Variants in DAP observed in about 807,000 individuals in gnomAD.
DAP encodes death-associated protein 1.
Under a neutral mutation model 13.8 loss-of-function variants are expected in DAP, and 8 were observed. The ratio of observed to expected loss-of-function variants is 0.58; its 90% confidence interval spans 0.34 to 1.05. The LOEUF is 1.05. DAP is among the 50% of genes least tolerant of loss of function. The probability of loss-of-function intolerance (pLI) is 0.03; values close to 1 mark genes in which losing one functional copy is unlikely to be tolerated. For missense variants in DAP, 106 were observed against 133.2 expected, an observed-to-expected ratio of 0.80 and a Z score of 1.01; for synonymous variants, 47 against 47.5, an observed-to-expected ratio of 0.99 and a Z score of 0.04.
At chr5:10,751,417 C>T (rs1740042978) in intron 1 of DAP, among the ~76,000 whole-genome samples, 1 of 152,174 alleles carries the variant, frequency 6.6e-6, no homozygotes, top group East Asian at 1.9e-4. Flanking sequence ...ATTTTCCACT[C>T]TCTTGAAACA....
chr5:10,746,445 T>G (rs1383283910), intron 2 of DAP, among the ~76,000 whole-genome samples: 1 of 151,558 alleles, frequency 6.6e-6, no homozygotes, highest in Non-Finnish European at 1.5e-5. Flanking sequence ...TTCTCCTGCC[T>G]CAGCCTCCTG....
intron 2 of DAP, among the ~76,000 whole-genome samples, chr5:10,747,427 A>G (rs1274077796): frequency 6.6e-6 from 1 of 152,186 alleles, no homozygotes; most frequent in South Asian, 2.1e-4. Flanking sequence ...GGTATCATAT[A>G]AGGACACCCA....
At chr5:10,701,688 C>T (rs548617788) in intron 2 of DAP, among the ~76,000 whole-genome samples, 22 of 152,176 alleles carry the variant, frequency 1.4e-4, no homozygotes, top group Non-Finnish European at 2.9e-4. Context: ...TCATTCAGGG[C>T]AGCAAATTAG....
In DAP at chr5:10,695,749, G is replaced by C. The variant is rs1738423671; in HGVS notation, c.153-12178C>G. Among the ~76,000 whole-genome samples the C allele has an allele frequency of 2.0e-5, 3 of 152,168 alleles. No individual in the cohort carries two copies. The East Asian group carries it at 5.8e-4, about 29-fold the overall frequency. On this transcript the variant is annotated intron_variant, in intron 2 of 3. Transcript: ENST00000230895. ...GTTCTTCTGGGTCTGGGCCAGGTCT[G>C]GGTCTGTGTGGGAAGGATGCTCTCA...
chr5:10,745,041 T>C (rs1462789277), intron 2 of DAP, among the ~76,000 whole-genome samples: 3 of 152,022 alleles, frequency 2.0e-5, no homozygotes, highest in African/African-American at 7.3e-5. Context: ...TCAAATGAAT[T>C]AATATGAACA....
At chr5:10,695,626 A>C (rs1162160786) in intron 2 of DAP, among the ~76,000 whole-genome samples, 4 of 152,194 alleles carry the variant, frequency 2.6e-5, no homozygotes, top group African/African-American at 7.2e-5. Context: ...TCAGCCTTCA[A>C]ATCCTTCAGT....
intron 2 of DAP, among the ~76,000 whole-genome samples, chr5:10,724,524 G>A (rs1460537345): frequency 2.0e-5 from 3 of 152,184 alleles, no homozygotes; most frequent in Non-Finnish European, 2.9e-5. Flanking sequence ...GGAGCAATAG[G>A]CCAGCACCCC....
chr5:10,739,985 GAAAC>G (rs1261922681), intron 2 of DAP, among the ~76,000 whole-genome samples: 3 of 152,150 alleles, frequency 2.0e-5, no homozygotes, highest in South Asian at 4.1e-4. Context: ...CCACTGTAAA[GAAAC>G]AAACAGTTAA....
intron 1 of DAP, among the ~76,000 whole-genome samples, chr5:10,757,552 G>C (rs11750414): frequency 0.1 from 15,154 of 152,208 alleles, 954 homozygotes; most frequent in East Asian, 0.3. Flanking sequence ...GGGATTATAG[G>C]CGTGAGCCAC....
intron 2 of DAP, among the ~76,000 whole-genome samples, chr5:10,690,395 C>G (rs1205187834): frequency 6.6e-6 from 1 of 151,686 alleles, no homozygotes; most frequent in Non-Finnish European, 1.5e-5. Context: ...TATTATTATG[C>G]TATCATCACC....
At chr5:10,703,263 A>G (rs1738624161) in intron 2 of DAP, among the ~76,000 whole-genome samples, 1 of 152,194 alleles carries the variant, frequency 6.6e-6, no homozygotes, top group Non-Finnish European at 1.5e-5. Context: ...AACAATATGA[A>G]TGATGCTTAG....
At chr5:10,731,084 G>T in intron 2 of DAP, among the ~76,000 whole-genome samples, 1 of 34,604 alleles carries the variant, frequency 2.9e-5, no homozygotes, top group Non-Finnish European at 5.5e-5. Context: ...GAATCTTTCT[G>T]GACTGAGAGC....
At chr5:10,745,204 G>A (rs1365477312) in intron 2 of DAP, among the ~76,000 whole-genome samples, 1 of 152,170 alleles carries the variant, frequency 6.6e-6, no homozygotes, top group African/African-American at 2.4e-5. Flanking sequence ...CAGGCCTCGT[G>A]GAGTGTGTTA....
intron 2 of DAP, among the ~76,000 whole-genome samples, chr5:10,706,048 T>C (rs1275258755): frequency 6.6e-6 from 1 of 152,204 alleles, no homozygotes; most frequent in African/African-American, 2.4e-5. Context: ...ACATCGGCAT[T>C]TGCATCCAAC....
intron 1 of DAP, among the ~76,000 whole-genome samples, chr5:10,760,480 G>GA (rs139357578): frequency 1.9e-4 from 29 of 150,082 alleles, no homozygotes; most frequent in African/African-American, 2.7e-4. Context: ...AACTTTGGGG[G>GA]AAAAAAAAAA....
intron 2 of DAP, among the ~76,000 whole-genome samples, chr5:10,713,843 G>C (rs185511134): frequency 6.6e-6 from 1 of 152,380 alleles, no homozygotes; most frequent in African/African-American, 2.4e-5. Flanking sequence ...GTAAACAGAA[G>C]AAAGCAGAGG....
chr5:10,715,185 G>C (rs1738953157), intron 2 of DAP, among the ~76,000 whole-genome samples: 1 of 152,192 alleles, frequency 6.6e-6, no homozygotes, highest in African/African-American at 2.4e-5. Context: ...AGGAGAGGAG[G>C]AGGCCCCAAA....
At chr5:10,759,056 A>G (rs754049627) in intron 1 of DAP, among the ~76,000 whole-genome samples, 28 of 152,176 alleles carry the variant, frequency 1.8e-4, no homozygotes, top group Non-Finnish European at 3.7e-4. Context: ...GTGTGGTGGC[A>G]GGCACCTGTA....
rs550518355 is a variant in DAP, at chr5:10,748,164, C to A, written c.152+11G>T. 1 of 1,586,646 alleles carries A rather than the reference C, an allele frequency of 6.3e-7. No homozygotes were observed. Among genetic ancestry groups the A allele is most frequent in the Non-Finnish European group, 8.7e-7 (1 of 1,154,914 alleles). On this transcript the variant is annotated intron_variant, in intron 2 of 3. Coordinates refer to ENST00000230895, the MANE Select transcript of DAP (RefSeq NM_004394.3). Reference sequence around the variant, plus strand: ...GGAAAACATGCTCAAGAGTCGCTAGCATCATCCCACCTGGGGCTTTCCCAT... The same window carrying A: ...GGAAAACATGCTCAAGAGTCGCTAGAATCATCCCACCTGGGGCTTTCCCAT...
Sources: gnomAD v4.1 joint callset for allele counts (sites outside exome capture counted in the v4.1 genomes callset) on GRCh38, gnomAD v4.1.1 for gene constraint, MANE v1.5 for transcripts, NCBI Gene and HGNC (gene_info 2026-07-23, HGNC 2026-07-21) for gene names.